Variants in ANKRD50 observed in about 807,000 individuals in gnomAD.
ANKRD50 encodes ankyrin repeat domain 50.
Under a neutral mutation model 112.0 loss-of-function variants are expected in ANKRD50, and 40 were observed. That is an observed-to-expected ratio of 0.36 (90% CI 0.28 to 0.46). The LOEUF (loss-of-function observed/expected upper bound fraction) is 0.46, where lower values mean the gene tolerates loss of function less well. Among genes scored for constraint, ANKRD50 ranks in the 20% least tolerant of loss-of-function variants. The pLI is 1.00. For missense variants in ANKRD50, 1,487 were observed against 1,701.7 expected (o/e 0.87, Z 2.22); for synonymous variants, 613 against 619.1 (o/e 0.99, Z 0.15).
In ANKRD50 at chr4:124,668,943, T is replaced by TC. The variant is rs562563489; in HGVS notation, c.*3+40dup. 5.8e-6 allele frequency: 9 copies of TC among 1,545,236 alleles called. No individual in the cohort carries two copies. The Admixed American group carries it at 6.3e-5, about 11-fold the overall frequency. On this transcript the variant is annotated intron_variant, in intron 4 of 4. Transcript: ENST00000504087. ...AAAGAGCATTCCAAGTAGAGGGAAC[T>TC]CTACTTTTGTTTTTTACTCTTTATG...
At position 124,678,691 on chromosome 4, in the gene ANKRD50, T is replaced by A. The variant is rs779391770; in HGVS notation, c.727A>T (p.Thr243Ser). 5.0e-6 allele frequency: 8 copies of A among 1,613,300 alleles called. No individual in the cohort carries two copies. The Admixed American group carries it at 1.2e-4, about 24-fold the overall frequency. Residue 243 changes from threonine (T) to serine (S), a missense_variant, in exon 3 of 5, where the codon ACT (threonine) becomes TCT (serine). Physicochemically the swap from Thr to Ser is moderately conservative, Grantham distance 58. Transcript: ENST00000504087. ...TTATGCTTACCAGTAAACATTTTAG[T>A]AACAGCCTTACTCTGCTTTCGGGCA... ...CSARKQSKAV[T>S]KMFTGFRKIS...
Position 124,671,089 on chromosome 4 carries a change from C to T in ANKRD50, c.2188G>A (p.Val730Ile), listed in dbSNP as rs1289824933. Reference sequence around the variant, plus strand: ...CCTCGATCAATTAAAAGGCTAACAACTGATGCGTGCCCTTTACTTGCAGGC... The same window carrying T: ...CCTCGATCAATTAAAAGGCTAACAATTGATGCGTGCCCTTTACTTGCAGGC... ...CVPASKGHASVVSLLIDRGAE... is the reference protein window; with the variant it reads ...CVPASKGHASIVSLLIDRGAE... Residue 730 changes from valine (V) to isoleucine (I), a missense_variant, in exon 4 of 5, where the codon GTT becomes ATT. Val to Ile is a conservative substitution (Grantham distance 29, BLOSUM62 3). Transcript: ENST00000504087. 2 of 1,613,704 alleles carry T rather than the reference C, an allele frequency of 1.2e-6. No individual in the cohort carries two copies. Among genetic ancestry groups the T allele is most frequent in the African/African-American group, 2.7e-5 (2 of 74,874 alleles).
intron 2 of ANKRD50, among the ~76,000 whole-genome samples, chr4:124,679,864 C>T (rs1325732322): frequency 6.6e-6 from 1 of 152,174 alleles, no homozygotes; most frequent in Non-Finnish European, 1.5e-5. Context: ...CTGGGCTACC[C>T]TAACAATCTA....
intron 2 of ANKRD50, among the ~76,000 whole-genome samples, chr4:124,709,361 C>T (rs1725577282): frequency 6.6e-6 from 1 of 152,050 alleles, no homozygotes; most frequent in South Asian, 2.1e-4. Flanking sequence ...GGAAAAAAAG[C>T]TTTGCTGAAG....
intron 2 of ANKRD50, among the ~76,000 whole-genome samples, chr4:124,696,462 G>C (rs545406006): frequency 1.3e-5 from 2 of 152,200 alleles, no homozygotes; most frequent in South Asian, 2.1e-4. Flanking sequence ...ATCTGAAGAA[G>C]TAATAGATTA....
At chr4:124,686,871 C>A (rs541693842) in intron 2 of ANKRD50, among the ~76,000 whole-genome samples, 1 of 152,154 alleles carries the variant, frequency 6.6e-6, no homozygotes, top group East Asian at 1.9e-4. Flanking sequence ...ACAGCAACAA[C>A]AAATATCAAA....
At chr4:124,680,798 G>A (rs920410629) in intron 2 of ANKRD50, among the ~76,000 whole-genome samples, 1 of 152,056 alleles carries the variant, frequency 6.6e-6, no homozygotes, top group Non-Finnish European at 1.5e-5. Flanking sequence ...AAGGTAATGA[G>A]CCAGGAGAAG....
chr4:124,692,080 T>C (rs1479721708), intron 2 of ANKRD50, among the ~76,000 whole-genome samples: 1 of 152,206 alleles, frequency 6.6e-6, no homozygotes, highest in African/African-American at 2.4e-5. Context: ...GCTATATGTA[T>C]AAAGTATAGA....
chr4:124,673,955 G>A (rs953186635), intron 3 of ANKRD50, among the ~76,000 whole-genome samples: 1 of 151,890 alleles, frequency 6.6e-6, no homozygotes, highest in Non-Finnish European at 1.5e-5. Context: ...AATTTCAAAA[G>A]ATAAATTTCA....
intron 2 of ANKRD50, among the ~76,000 whole-genome samples, chr4:124,679,452 T>G (rs958723657): frequency 1.3e-5 from 2 of 152,252 alleles, no homozygotes; most frequent in Admixed American, 1.3e-4. Context: ...AGATCCCATT[T>G]GACATATTTT....
chr4:124,684,648 C>G (rs929669989), intron 2 of ANKRD50, among the ~76,000 whole-genome samples: 1 of 152,198 alleles, frequency 6.6e-6, no homozygotes, highest in African/African-American at 2.4e-5. Context: ...GAATAATGGT[C>G]TGCCAGCTTT....
At chr4:124,686,551 T>C (rs1725011747) in intron 2 of ANKRD50, among the ~76,000 whole-genome samples, 1 of 151,558 alleles carries the variant, frequency 6.6e-6, no homozygotes, top group South Asian at 2.1e-4. Context: ...TAACAAGGAG[T>C]GGGTGGGGAG....
At position 124,667,253 on chromosome 4, in the gene ANKRD50, AG is replaced by A. The variant is rs1730515618; in HGVS notation, c.*264del. 6.6e-6 allele frequency: 1 copy of A among 152,080 alleles called. No homozygotes were observed. The highest frequency in any genetic ancestry group is 2.1e-4 in the South Asian group (1 of 4,834). The allele number at this position is 152,080 out of a possible 1,614,324, so 9.4% of individuals were successfully genotyped here. A position where few individuals can be genotyped will look rare whatever the true frequency, so the allele number is the denominator to read the frequency against. ...TTTTCAGCTTTTATCAGGGAACTGC[AG>A]TATGTATCTGCATTTTTAAAAAGTG... On this transcript the variant is annotated 3_prime_UTR_variant, in exon 5 of 5. Transcript: ENST00000504087.
rs1198391112 is a variant in ANKRD50, at chr4:124,670,056, G to A, written c.3221C>T (p.Ala1074Val). The A allele has an allele frequency of 2.5e-6, 4 of 1,612,418 alleles. No homozygotes were observed. Among genetic ancestry groups the A allele is most frequent in the Non-Finnish European group, 3.4e-6 (4 of 1,179,566 alleles). ...LLEHGADPNH[A>V]DQFGRTAMRV... The stretch of plus-strand genomic sequence containing the variant: ...CATAGCAGTGCGTCCAAATTGATCA[G>A]CATGGTTTGGATCAGCACCATGCTC... The change falls in exon 4 of 5, where the codon GCT becomes GTT. Residue 1074 changes from alanine (A) to valine (V), a missense_variant. By Grantham distance (64) the Ala-to-Val change is moderately conservative (BLOSUM62 0). Around this residue, in one of 2 missense-constraint regions of ANKRD50, gnomAD observed 441 missense variants for 432.2 expected, o/e 1.02. Coordinates refer to ENST00000504087, the MANE Select transcript of ANKRD50 (RefSeq NM_020337.3).
intron 3 of ANKRD50, among the ~76,000 whole-genome samples, chr4:124,674,259 T>C (rs1730722527): frequency 6.6e-6 from 1 of 151,986 alleles, no homozygotes; most frequent in Non-Finnish European, 1.5e-5. Flanking sequence ...GACTTTATAT[T>C]ACACTACTTG....
At chr4:124,683,752 G>A (rs1724943219) in intron 2 of ANKRD50, among the ~76,000 whole-genome samples, 2 of 127,422 alleles carry the variant, frequency 1.6e-5, no homozygotes, top group East Asian at 2.2e-4. Flanking sequence ...GTGAGACTCC[G>A]TCTCAAAAAA....
rs1409669043 is a variant in ANKRD50 at position 124,710,075 on chromosome 4, T to C, written c.437A>G (p.Lys146Arg). ...RSGLLQGYEDKLRDPAVQSLL... is the reference protein window; with the variant it reads ...RSGLLQGYEDRLRDPAVQSLL... ...GCTTTGGACTGCTGGATCCCTTAGCTTGTCCTCATATCCTTGGAGTAGTCC... is the reference window on the plus strand; with the variant it reads ...GCTTTGGACTGCTGGATCCCTTAGCCTGTCCTCATATCCTTGGAGTAGTCC... Residue 146 changes from lysine to arginine, a missense_variant, in exon 2 of 5, where the codon AAG (lysine) becomes AGG (arginine). Transcript: ENST00000504087. 1 of 1,614,184 alleles carries C rather than the reference T, an allele frequency of 6.2e-7. No individual in the cohort carries two copies. Among genetic ancestry groups the C allele is most frequent in the Non-Finnish European group, 8.5e-7 (1 of 1,180,042 alleles).
intron 2 of ANKRD50, among the ~76,000 whole-genome samples, chr4:124,706,501 C>CA (rs979215782): frequency 2.0e-5 from 3 of 151,386 alleles, no homozygotes; most frequent in African/African-American, 4.9e-5. Context: ...TCATTAGGCA[C>CA]AAAAAAAATT....
chr4:124,679,135 GGTGT>G (rs1215301305), intron 2 of ANKRD50, among the ~76,000 whole-genome samples: 6 of 152,158 alleles, frequency 3.9e-5, no homozygotes, highest in African/African-American at 1.2e-4. Flanking sequence ...TGGGTGTGTG[GGTGT>G]GTGTAATTCA....
Sources: allele counts gnomAD v4.1 joint callset (sites outside exome capture counted in the v4.1 genomes callset), GRCh38; gene constraint gnomAD v4.1.1; regional missense constraint gnomAD v4.1.1; transcripts MANE v1.5; gene names NCBI Gene and HGNC (gene_info 2026-07-23, HGNC 2026-07-21).